The following NCALD variants were observed in gnomAD, a reference collection of about 807,000 sequenced individuals.
NCALD encodes neurocalcin-delta.
Under a neutral mutation model 18.6 loss-of-function variants are expected in NCALD, and 10 were observed. That is an observed-to-expected ratio of 0.54 (90% CI 0.33 to 0.91). The LOEUF is 0.91. Among genes scored for constraint, NCALD ranks in the 40% least tolerant of loss-of-function variants. NCALD has a pLI of 0.03. For synonymous variants in NCALD, 88 were observed against 87.4 expected (o/e 1.01, Z -0.04); for missense variants, 184 against 247.6 (o/e 0.74, Z 1.72).
chr8:101,995,677 A>G (rs1586891596), intron 2 of NCALD, among the ~76,000 whole-genome samples: 1 of 151,788 alleles, frequency 6.6e-6, no homozygotes, highest in Non-Finnish European at 1.5e-5. Context: ...TGATCCAAAC[A>G]CCTCCCACCA....
chr8:101,690,130 T>G (rs1013188096), intron 3 of NCALD, among the ~76,000 whole-genome samples: 1 of 151,718 alleles, frequency 6.6e-6, no homozygotes, highest in African/African-American at 2.4e-5. Flanking sequence ...CCGGTGACCT[T>G]TCCTTTCTGC....
At chr8:101,928,769 T>C (rs73696581) in intron 2 of NCALD, among the ~76,000 whole-genome samples, 7,751 of 152,278 alleles carry the variant, frequency 0.051, 600 homozygotes, top group African/African-American at 0.17. Context: ...GCTCTAGTTG[T>C]TCTTTAGTTT....
chr8:102,088,729 C>T (rs1180053974), intron 1 of NCALD, among the ~76,000 whole-genome samples: 1 of 151,734 alleles, frequency 6.6e-6, no homozygotes, highest in Non-Finnish European at 1.5e-5. Context: ...AACAAAAAAC[C>T]TCTGTTTTCC....
At chr8:102,014,814 T>C (rs1405206881) in intron 2 of NCALD, among the ~76,000 whole-genome samples, 1 of 152,172 alleles carries the variant, frequency 6.6e-6, no homozygotes, top group Non-Finnish European at 1.5e-5. Flanking sequence ...AAGCCATGAT[T>C]ACATAAAACA....
intron 2 of NCALD, among the ~76,000 whole-genome samples, chr8:101,715,845 T>C (rs942070763): frequency 6.6e-6 from 1 of 152,114 alleles, no homozygotes; most frequent in African/African-American, 2.4e-5. Context: ...TGTGGAAAAA[T>C]AGGAATCCTT....
At chr8:101,813,332 C>CA (rs902443458) in intron 4 of NCALD, among the ~76,000 whole-genome samples, 2 of 151,898 alleles carry the variant, frequency 1.3e-5, no homozygotes, top group African/African-American at 4.8e-5. Context: ...TGCAGCATGG[C>CA]ATGTTAGAGG....
At chr8:101,818,283 C>A (rs774638456) in intron 4 of NCALD, among the ~76,000 whole-genome samples, 8 of 151,998 alleles carry the variant, frequency 5.3e-5, no homozygotes, top group Admixed American at 3.9e-4. Context: ...ATTTAGGTAG[C>A]GATTTCCTTG....
At chr8:102,048,258 T>C (rs1823317137) in intron 1 of NCALD, among the ~76,000 whole-genome samples, 4 of 152,166 alleles carry the variant, frequency 2.6e-5, no homozygotes, top group Admixed American at 2.6e-4. Context: ...GTCTCTCTCT[T>C]CCTCCATAAA....
chr8:101,822,876 T>A (rs1207798552), intron 4 of NCALD, among the ~76,000 whole-genome samples: 3 of 152,216 alleles, frequency 2.0e-5, no homozygotes, highest in African/African-American at 7.2e-5. Flanking sequence ...CCTTCAGCTC[T>A]TACTTTTACA....
intron 1 of NCALD, among the ~76,000 whole-genome samples, chr8:102,079,503 T>C (rs1328413769): frequency 9.9e-5 from 15 of 151,660 alleles, no homozygotes; most frequent in Admixed American, 7.2e-4. Context: ...ACATGATCTC[T>C]ATACATGGAA....
At chr8:102,003,182 A>C (rs538481292) in intron 2 of NCALD, among the ~76,000 whole-genome samples, 2 of 152,368 alleles carry the variant, frequency 1.3e-5, no homozygotes, top group South Asian at 4.1e-4. Context: ...ATGCAATAAA[A>C]AATGATAAAG....
At chr8:102,110,624 T>A (rs1825613137) in intron 1 of NCALD, among the ~76,000 whole-genome samples, 1 of 152,186 alleles carries the variant, frequency 6.6e-6, no homozygotes, top group African/African-American at 2.4e-5. Context: ...TAAAAGAAGA[T>A]GAAATCGACA....
At chr8:101,713,998 A>C (rs1815941722) in intron 2 of NCALD, among the ~76,000 whole-genome samples, 1 of 152,358 alleles carries the variant, frequency 6.6e-6, no homozygotes, top group Non-Finnish European at 1.5e-5. Context: ...ACCTTAAAAT[A>C]ATAAGAGCTA....
intron 1 of NCALD, among the ~76,000 whole-genome samples, chr8:102,029,899 T>C (rs903259651): frequency 2.0e-5 from 3 of 152,236 alleles, no homozygotes; most frequent in Admixed American, 6.5e-5. Context: ...AGTTTATTTA[T>C]AGATCTTTAC....
At chr8:101,707,589 G>A (rs1400612229) in intron 2 of NCALD, among the ~76,000 whole-genome samples, 1 of 152,124 alleles carries the variant, frequency 6.6e-6, no homozygotes, top group East Asian at 1.9e-4. Flanking sequence ...CTTCCTTCAG[G>A]TTTCACTCAT....
intron 1 of NCALD, among the ~76,000 whole-genome samples, chr8:101,780,522 C>T (rs1811967488): frequency 6.6e-6 from 1 of 152,046 alleles, no homozygotes; most frequent in South Asian, 2.1e-4. Context: ...CTCAAAATGT[C>T]CCTGTTTAAA....
chr8:102,077,404 G>A (rs553925302), intron 1 of NCALD, among the ~76,000 whole-genome samples: 2 of 152,136 alleles, frequency 1.3e-5, no homozygotes, highest in African/African-American at 2.4e-5. Context: ...CAGAAAAGTA[G>A]GAAGAAATCC....
intron 4 of NCALD, chr8:101,852,454 C>A (rs1462664974): frequency 1.3e-5 from 2 of 152,208 alleles, no homozygotes; most frequent in Non-Finnish European, 2.9e-5. Context: ...CTCTGGAAAA[C>A]CAGCTGACAT....
intron 1 of NCALD, among the ~76,000 whole-genome samples, chr8:102,089,412 A>G (rs1466649033): frequency 6.6e-6 from 1 of 151,082 alleles, no homozygotes; most frequent in Non-Finnish European, 1.5e-5. Context: ...AAAAAAAAAG[A>G]AAGAAAAAAA....
Sources: allele counts gnomAD v4.1 joint callset (sites outside exome capture counted in the v4.1 genomes callset), GRCh38; gene constraint gnomAD v4.1.1; transcripts MANE v1.5; gene names NCBI Gene and HGNC (gene_info 2026-07-23, HGNC 2026-07-21).